The following COL4A6 variants were observed in gnomAD, a reference collection of about 807,000 sequenced individuals.
COL4A6 encodes the protein collagen alpha-6(IV) chain.
In COL4A6, 59 loss-of-function variants were observed where a neutral mutation model predicts 126.7. That is an observed-to-expected ratio of 0.47 (90% CI 0.38 to 0.58). The LOEUF is 0.58. Among genes scored for constraint, COL4A6 ranks in the 20% least tolerant of loss-of-function variants. COL4A6 has a pLI of 0.00. For synonymous variants in COL4A6, 547 were observed against 496.6 expected (o/e 1.10, Z -1.35); for missense variants, 1,285 against 1,337.3 (o/e 0.96, Z 0.61).
intron 2 of COL4A6, among the ~76,000 whole-genome samples, chrX:108,343,165 A>AGTGTGTGTGTGTGTGT (rs55685604): frequency 8.6e-4 from 27 of 31,404 alleles, no homozygotes; most frequent in African/African-American, 2.4e-3. Flanking sequence ...ATATATATAT[A>AGTGTGTGTGTGTGTGT]GTGTGTGTGT....
At chrX:108,350,269 A>G (rs1441000737) in intron 2 of COL4A6, among the ~76,000 whole-genome samples, 1 of 112,164 alleles carries the variant, frequency 8.9e-6, no homozygotes, top group Non-Finnish European at 1.9e-5. Context: ...TAAATCAGGA[A>G]TAATATTTTG....
intron 3 of COL4A6, among the ~76,000 whole-genome samples, chrX:108,291,014 C>T (rs759893153): frequency 1.3e-4 from 15 of 112,246 alleles, no homozygotes; most frequent in Non-Finnish European, 2.6e-4. Context: ...AGTGTTAGCA[C>T]ATTAAGTCCC....
chrX:108,175,446 C>T (rs1602729453), intron 29 of COL4A6, among the ~76,000 whole-genome samples: 1 of 111,757 alleles, frequency 8.9e-6, no homozygotes, highest in East Asian at 2.8e-4. Flanking sequence ...CACTGGTCTT[C>T]CGGGAATGGG....
chrX:108,300,366 C>CTCTCTGTGTGTG (rs1337028378), intron 3 of COL4A6, among the ~76,000 whole-genome samples: 9 of 98,169 alleles, frequency 9.2e-5, no homozygotes, highest in African/African-American at 3.4e-4. Context: ...CTCTCTCTCT[C>CTCTCTGTGTGTG]TGTGTGTGTG....
chrX:108,362,535 G>C (rs1233299826), intron 2 of COL4A6, among the ~76,000 whole-genome samples: 1 of 111,639 alleles, frequency 9.0e-6, no homozygotes, highest in African/African-American at 3.3e-5. Context: ...GTCCATGAGG[G>C]CTGGGCTCCC....
intron 3 of COL4A6, among the ~76,000 whole-genome samples, chrX:108,289,242 AGTGTGTGTGTGTGTGTGT>A (rs34639525): frequency 6.6e-5 from 6 of 91,328 alleles, no homozygotes; most frequent in South Asian, 6.1e-4. Context: ...CAATGAGTAT[AGTGTGTGTGTGTGTGTGT>A]GTGTGTGTGT....
chrX:108,279,850 C>T (rs1245638085), intron 3 of COL4A6, among the ~76,000 whole-genome samples: 2 of 111,293 alleles, frequency 1.8e-5, no homozygotes, highest in South Asian at 3.8e-4. Flanking sequence ...CAATCAAAAC[C>T]GCACAACTAC....
intron 2 of COL4A6, among the ~76,000 whole-genome samples, chrX:108,350,043 A>G (rs2039803959): frequency 8.9e-6 from 1 of 111,781 alleles, no homozygotes; most frequent in Non-Finnish European, 1.9e-5. Flanking sequence ...ATCTTCTCCA[A>G]AAAAGACTGC....
At chrX:108,251,499 A>G (rs2036849900) in intron 3 of COL4A6, among the ~76,000 whole-genome samples, 1 of 111,541 alleles carries the variant, frequency 9.0e-6, no homozygotes, top group African/African-American at 3.3e-5. Flanking sequence ...CCTTGTTATA[A>G]TCTCTAATCG....
Position 108,195,141 on chromosome X carries a change from G to T in COL4A6, c.904-15C>A. ...CCCATGGGACCCTGTAAAGAAAATA[G>T]TTACACCTTAGAAACAGCAATAGGC... is the stretch of plus-strand genomic sequence containing the variant. On this transcript the variant is annotated splice_polypyrimidine_tract_variant and intron_variant, in intron 14 of 44. Coordinates refer to ENST00000334504, the MANE Select transcript of COL4A6 (RefSeq NM_033641.4). 1 of 1,185,795 alleles carries T rather than the reference G, an allele frequency of 8.4e-7. No individual in the cohort carries two copies. The highest frequency in any genetic ancestry group is 1.1e-6 in the Non-Finnish European group (1 of 875,432).
At chrX:108,425,764 A>ACC (rs2147371485) in intron 2 of COL4A6, among the ~76,000 whole-genome samples, 1 of 107,113 alleles carries the variant, frequency 9.3e-6, no homozygotes, top group African/African-American at 3.4e-5. Context: ...ACACACACAC[A>ACC]CCTCTGTAGC....
At chrX:108,272,912 T>A (rs930502767) in intron 3 of COL4A6, among the ~76,000 whole-genome samples, 43 of 110,198 alleles carry the variant, frequency 3.9e-4, no homozygotes, top group African/African-American at 1.3e-3. Context: ...ATTTTATATA[T>A]ATTTTTTACT....
At chrX:108,420,769 T>A (rs1260962886) in intron 2 of COL4A6, among the ~76,000 whole-genome samples, 1 of 111,863 alleles carries the variant, frequency 8.9e-6, no homozygotes, top group African/African-American at 3.2e-5. Flanking sequence ...TTAAAAGTCA[T>A]ATGGCTCTTC....
At chrX:108,255,674 G>T (rs1255224969) in intron 3 of COL4A6, among the ~76,000 whole-genome samples, 1 of 109,992 alleles carries the variant, frequency 9.1e-6, no homozygotes, top group African/African-American at 3.3e-5. Flanking sequence ...CTGACTCTTT[G>T]CTTGCCCATG....
chrX:108,317,892 G>A (rs1335310396), intron 2 of COL4A6, among the ~76,000 whole-genome samples: 2 of 111,565 alleles, frequency 1.8e-5, no homozygotes, highest in African/African-American at 6.5e-5. Flanking sequence ...TTTGGCTTAG[G>A]ATTGACTTGG....
Position 108,187,870 on chromosome X carries a change from A to G in COL4A6, c.1745T>C (p.Leu582Ser). ...GEPGKDGVPG[L>S]PGLPGLPGDG... ...TACCGGAAGGCCTGGCAGACCTGGT[A>G]AACCTGGTACTCCGTCCTTGCCTGG... Residue 582 changes from leucine to serine, a missense_variant, in exon 22 of 45, where the codon TTA becomes TCA. Physicochemically the swap from Leu to Ser is moderately radical, Grantham distance 145. Coordinates refer to ENST00000334504, the MANE Select transcript of COL4A6 (RefSeq NM_033641.4). The G allele has an allele frequency of 5.0e-6, 6 of 1,207,701 alleles. No individual in the cohort carries two copies. The highest frequency in any genetic ancestry group is 6.7e-6 in the Non-Finnish European group (6 of 892,949).
intron 5 of COL4A6, among the ~76,000 whole-genome samples, chrX:108,217,955 T>C (rs1158143448): frequency 9.0e-6 from 1 of 111,705 alleles, no homozygotes; most frequent in Non-Finnish European, 1.9e-5. Context: ...AGTAAGCTCA[T>C]TAAGAGGGGT....
chrX:108,390,548 C>T (rs1480230398), intron 2 of COL4A6, among the ~76,000 whole-genome samples: 1 of 108,744 alleles, frequency 9.2e-6, no homozygotes, highest in East Asian at 2.9e-4. Context: ...GTATGCTTCA[C>T]AAAGTTCTCA....
chrX:108,186,329 A>T (rs1273569456), intron 23 of COL4A6, among the ~76,000 whole-genome samples: 5 of 112,016 alleles, frequency 4.5e-5, no homozygotes, highest in Non-Finnish European at 9.4e-5. Context: ...ACTAGGCATG[A>T]GATAATGAGA....
Sources: allele counts gnomAD v4.1 joint callset (sites outside exome capture counted in the v4.1 genomes callset), GRCh38; gene constraint gnomAD v4.1.1; transcripts MANE v1.5; gene names NCBI Gene and HGNC (gene_info 2026-07-23, HGNC 2026-07-21).